PCDH15: variants seen among roughly 807,000 people sequenced by gnomAD.
PCDH15 encodes protocadherin-15.
Under a neutral mutation model 178.5 loss-of-function variants are expected in PCDH15, and 129 were observed. That is an observed-to-expected ratio of 0.72 (90% confidence interval 0.63 to 0.84). The LOEUF (loss-of-function observed/expected upper bound fraction) is 0.84, where lower values mean the gene tolerates loss of function less well. PCDH15 is among the 40% of genes least tolerant of loss of function. The probability of loss-of-function intolerance (pLI) is 0.00; values close to 1 mark genes in which losing one functional copy is unlikely to be tolerated. For missense variants in PCDH15, 2,230 were observed against 2,099.9 expected, an observed-to-expected ratio of 1.06 and a Z score of -1.21; for synonymous variants, 800 against 732.0, an observed-to-expected ratio of 1.09 and a Z score of -1.50.
At chr10:54,358,404 T>G (rs1945402662) in intron 5 of PCDH15, among the ~76,000 whole-genome samples, 1 of 151,858 alleles carries the variant, frequency 6.6e-6, no homozygotes, top group Non-Finnish European at 1.5e-5. Context: ...AAAAAACACA[T>G]GAAAAAATGC....
At chr10:55,485,567 A>G (rs538585104) in intron 2 of PCDH15, among the ~76,000 whole-genome samples, 17 of 151,848 alleles carry the variant, frequency 1.1e-4, no homozygotes, top group East Asian at 7.8e-4. Flanking sequence ...TAGTAGAGCC[A>G]TTATGGAAAA....
At chr10:55,265,697 G>A (rs974662455) in intron 1 of PCDH15, among the ~76,000 whole-genome samples, 3 of 152,100 alleles carry the variant, frequency 2.0e-5, no homozygotes, top group African/African-American at 7.2e-5. Flanking sequence ...ATCGACCAGG[G>A]ATTTGCTGAA....
chr10:54,503,225 A>ATGTGTGTGTGTGTG lies in PCDH15; in HGVS notation c.157+24573_157+24586dup, dbSNP rs35951831. On this transcript the variant is annotated intron_variant, in intron 3 of 37. Transcript: ENST00000644397. ...AATCCCAGGCCAAATATACATATAT[A>ATGTGTGTGTGTGTG]TGTGTGTGTGTGTGTGTGTGTGTGT... Among the ~76,000 whole-genome samples the ATGTGTGTGTGTGTG allele has an allele frequency of 2.3e-4, 19 of 83,770 alleles. No individual in the cohort carries two copies. In the East Asian group the frequency reaches 0.018, roughly 79 times the overall value. 55.0% of individuals were successfully genotyped at this position (83,770 alleles called of 152,430 possible).
chr10:54,705,973 A>G (rs1222687741), intron 1 of PCDH15, among the ~76,000 whole-genome samples: 1 of 152,160 alleles, frequency 6.6e-6, no homozygotes, highest in Non-Finnish European at 1.5e-5. Flanking sequence ...GAGATTAGGC[A>G]TCTTAAAAAG....
At chr10:54,861,127 T>C (rs1273027864) in intron 3 of PCDH15, among the ~76,000 whole-genome samples, 1 of 152,128 alleles carries the variant, frequency 6.6e-6, no homozygotes, top group Non-Finnish European at 1.5e-5. Context: ...CCTTTAAAGA[T>C]TTTGAAATTC....
chr10:54,139,686 C>G (rs1006137054), intron 14 of PCDH15, among the ~76,000 whole-genome samples: 2 of 151,628 alleles, frequency 1.3e-5, no homozygotes, highest in Non-Finnish European at 2.9e-5. Flanking sequence ...ATTGAGAAAA[C>G]GAATCTGTTT....
intron 2 of PCDH15, among the ~76,000 whole-genome samples, chr10:54,979,121 G>A (rs1465418842): frequency 6.6e-6 from 1 of 152,118 alleles, no homozygotes; most frequent in Non-Finnish European, 1.5e-5. Context: ...AAAGAACAGA[G>A]TGATATGGCT....
At chr10:54,376,864 T>C (rs1333368225) in intron 4 of PCDH15, among the ~76,000 whole-genome samples, 2 of 152,008 alleles carry the variant, frequency 1.3e-5, no homozygotes, top group Non-Finnish European at 2.9e-5. Flanking sequence ...ATAAAACAAC[T>C]AAACAATTGT....
intron 13 of PCDH15, among the ~76,000 whole-genome samples, chr10:54,169,678 C>T (rs376399426): frequency 7.6e-4 from 114 of 150,638 alleles, no homozygotes; most frequent in South Asian, 1.5e-3. Flanking sequence ...CCCTCCTTGG[C>T]GACCAATCAT....
intron 21 of PCDH15, chr10:53,994,777 G>T (rs1432395070): frequency 6.6e-6 from 1 of 152,006 alleles, no homozygotes; most frequent in African/African-American, 2.4e-5. Flanking sequence ...TATAAGACTT[G>T]TCCAAATCGA....
At chr10:54,058,695 TTTC>T (rs1323451512) in intron 18 of PCDH15, among the ~76,000 whole-genome samples, 10 of 88,020 alleles carry the variant, frequency 1.1e-4, no homozygotes, top group African/African-American at 2.4e-4. Flanking sequence ...TCTTTCTTTC[TTTC>T]TTTTTTTTTT....
At chr10:54,359,923 A>G (rs1434156618) in intron 5 of PCDH15, among the ~76,000 whole-genome samples, 2 of 152,152 alleles carry the variant, frequency 1.3e-5, no homozygotes, top group Admixed American at 6.6e-5. Flanking sequence ...AGAAACAAGC[A>G]TAATAATATT....
chr10:54,170,961 C>T (rs1006883130), intron 13 of PCDH15, among the ~76,000 whole-genome samples: 3 of 152,076 alleles, frequency 2.0e-5, no homozygotes, highest in African/African-American at 7.3e-5. Flanking sequence ...AGGATTTGCC[C>T]CACCCAGGAC....
chr10:55,334,290 G>A lies in PCDH15; in HGVS notation c.-155-167639C>T, dbSNP rs1402461733. ...TGTGTGTGTGTGTGTGTGTGTATGT[G>A]TATATATCTATATATATATATATAT... On this transcript the variant is annotated intron_variant, in intron 2 of 5. Coordinates refer to the PCDH15 transcript ENST00000613346. 1.0e-3 allele frequency among the ~76,000 whole-genome samples: 129 copies of A among 126,468 alleles called. 1 individual carries two copies. The highest frequency in any genetic ancestry group is 4.0e-3 in the African/African-American group (117 of 29,352). 83.0% of individuals were successfully genotyped at this position (126,468 alleles called of 152,430 possible).
At chr10:54,165,444 A>T (rs2046122342) in intron 13 of PCDH15, among the ~76,000 whole-genome samples, 2 of 152,182 alleles carry the variant, frequency 1.3e-5, no homozygotes, top group African/African-American at 4.8e-5. Flanking sequence ...CAACAAGAAG[A>T]TGACTTTAAA....
At chr10:54,196,515 A>G (rs1003795977) in intron 10 of PCDH15, among the ~76,000 whole-genome samples, 1 of 152,224 alleles carries the variant, frequency 6.6e-6, no homozygotes, top group African/African-American at 2.4e-5. Context: ...GAAAATTCAA[A>G]TGGAGATACT....
At chr10:55,222,730 C>CACACACACACACATATATAT in intron 1 of PCDH15, among the ~76,000 whole-genome samples, 38 of 121,234 alleles carry the variant, frequency 3.1e-4, no homozygotes, top group African/African-American at 1.0e-3. Flanking sequence ...CACACACACA[C>CACACACACACACATATATAT]ATATATATAT....
intron 7 of PCDH15, among the ~76,000 whole-genome samples, chr10:54,324,663 A>G (rs935971894): frequency 6.6e-6 from 1 of 152,108 alleles, no homozygotes; most frequent in Non-Finnish European, 1.5e-5. Context: ...ACTACTCGGG[A>G]GGCTGAGTTA....
intron 18 of PCDH15, among the ~76,000 whole-genome samples, chr10:54,027,315 T>C: frequency 6.6e-6 from 1 of 150,946 alleles, no homozygotes; most frequent in African/African-American, 2.4e-5. Context: ...GGAAGAACAT[T>C]CCATGCTCAT....
Sources: gnomAD v4.1 joint callset for allele counts (sites outside exome capture counted in the v4.1 genomes callset) on GRCh38, gnomAD v4.1.1 for gene constraint, MANE v1.5 for transcripts, NCBI Gene and HGNC (gene_info 2026-07-23, HGNC 2026-07-21) for gene names.